Variants in SESN3 observed in about 807,000 individuals in gnomAD.
The protein encoded by SESN3 is sestrin-3.
A neutral mutation model predicts 55.3 loss-of-function variants in SESN3; 21 were observed. The ratio of observed to expected loss-of-function variants is 0.38; its 90% CI spans 0.27 to 0.55. SESN3 has a LOEUF of 0.55. SESN3 is among the 20% of genes least tolerant of loss of function. SESN3 has a pLI of 0.76. For missense variants in SESN3, 408 were observed against 604.3 expected, an observed-to-expected ratio of 0.68 and a Z score of 3.41; for synonymous variants, 181 against 203.1, an observed-to-expected ratio of 0.89 and a Z score of 0.93.
intron 1 of SESN3, among the ~76,000 whole-genome samples, chr11:95,198,274 A>C (rs994578643): frequency 6.6e-6 from 1 of 152,086 alleles, no homozygotes; most frequent in Non-Finnish European, 1.5e-5. Context: ...AAGATACCGC[A>C]TAAAAATGTA....
chr11:95,205,634 C>T (rs1455124303), intron 1 of SESN3, among the ~76,000 whole-genome samples: 1 of 152,078 alleles, frequency 6.6e-6, no homozygotes, highest in East Asian at 1.9e-4. Flanking sequence ...TACTAGCAAT[C>T]CAGGGATTAT....
At chr11:95,186,715 T>C (rs1039012350) in intron 4 of SESN3, among the ~76,000 whole-genome samples, 12 of 151,870 alleles carry the variant, frequency 7.9e-5, no homozygotes, top group African/African-American at 2.9e-4. Flanking sequence ...ATGTACCCCA[T>C]GGATATGTAC....
At chr11:95,198,587 C>G (rs1057007664) in intron 1 of SESN3, among the ~76,000 whole-genome samples, 20 of 152,216 alleles carry the variant, frequency 1.3e-4, no homozygotes, top group African/African-American at 4.3e-4. Context: ...TATACAATGG[C>G]TTTTAAATAA....
rs1482933850 is a variant in SESN3 at position 95,167,980 on chromosome 11, A to C, written c.*5275T>G. On this transcript the variant is annotated 3_prime_UTR_variant, in exon 10 of 10. Coordinates refer to ENST00000536441, the MANE Select transcript of SESN3 (RefSeq NM_144665.4). ...GGAACATTTTTTTTCCTCCCATAAG[A>C]ACAGGATAGGAACAGAGGTTAGAGG... The C allele has an allele frequency of 6.6e-6, 1 of 152,192 alleles. No homozygotes were observed. Among genetic ancestry groups the C allele is most frequent in the Non-Finnish European group, 1.5e-5 (1 of 68,034 alleles). 9.4% of individuals were successfully genotyped at this position (152,192 alleles called of 1,614,324 possible).
chr11:95,229,748 A>T (rs1861016400), intron 1 of SESN3, among the ~76,000 whole-genome samples: 1 of 152,224 alleles, frequency 6.6e-6, no homozygotes, highest in South Asian at 2.1e-4. Context: ...AAACGGTACC[A>T]TATTCATCTC....
At chr11:95,208,818 GA>G (rs994405024) in intron 1 of SESN3, among the ~76,000 whole-genome samples, 36 of 151,620 alleles carry the variant, frequency 2.4e-4, no homozygotes, top group African/African-American at 8.2e-4. Context: ...AAGCAATGAG[GA>G]AAGGATTCCC....
intron 3 of SESN3, 89 bp downstream of exon 3, chr11:95,191,315 A>T (rs1860263709): frequency 3.0e-6 from 3 of 987,208 alleles, no homozygotes; most frequent in Non-Finnish European, 4.9e-6. Flanking sequence ...ACTTAGCTCT[A>T]TACACACACA....
At chr11:95,191,678 AT>A in intron 2 of SESN3, 77 bp from the exon 3 acceptor site, 1 of 1,001,344 alleles carries the variant, frequency 1.0e-6, no homozygotes, top group South Asian at 1.5e-5. Flanking sequence ...TTATGCCACT[AT>A]TGAAGCAAAT....
In SESN3 at chr11:95,178,794, G is replaced by T; in HGVS notation, c.972C>A (p.Val324=). The change falls in exon 7 of 10, where the codon GTC becomes GTA. Residue 324 remains valine (V), a synonymous_variant. Transcript: ENST00000536441. ...FEDDMIITSD[V]SRYIEDPGFG... ...AACCAGGGTCTTCAATATATCGAGA[G>T]ACATCAGATGTTATAATCATGTCAT... 1 of 1,609,366 alleles carries T rather than the reference G, an allele frequency of 6.2e-7. No individual in the cohort carries two copies. Among genetic ancestry groups the T allele is most frequent in the Non-Finnish European group, 8.5e-7 (1 of 1,175,862 alleles).
chr11:95,196,075 A>G (rs1000350296), intron 1 of SESN3, among the ~76,000 whole-genome samples: 1 of 152,198 alleles, frequency 6.6e-6, no homozygotes, highest in African/African-American at 2.4e-5. Context: ...GAGAGATAAA[A>G]TATGGCCCGA....
chr11:95,184,702 T>TATG, intron 5 of SESN3, 108 bp from the exon 6 acceptor site: 5 of 976,172 alleles, frequency 5.1e-6, no homozygotes, highest in Non-Finnish European at 7.5e-6. Flanking sequence ...CAGGCACAGT[T>TATG]ATGAAGTTCT....
At chr11:95,227,472 G>A (rs776153636) in intron 1 of SESN3, among the ~76,000 whole-genome samples, 8 of 151,964 alleles carry the variant, frequency 5.3e-5, no homozygotes, top group Non-Finnish European at 1.0e-4. Context: ...CCAAAGTGCT[G>A]GGATTACAGG....
chr11:95,178,577 G>A, intron 7 of SESN3, 133 bp downstream of exon 7: 1 of 620,988 alleles, frequency 1.6e-6, no homozygotes, highest in Admixed American at 2.7e-5. Flanking sequence ...ATTAGATTAG[G>A]CTGAAACTAG....
intron 9 of SESN3, among the ~76,000 whole-genome samples, chr11:95,173,674 A>T (rs114118168): frequency 9.2e-5 from 14 of 152,094 alleles, no homozygotes; most frequent in Admixed American, 1.3e-4. Flanking sequence ...AAAATTTTAC[A>T]TGGCTAAAAA....
At chr11:95,193,980 T>C (rs569902771) in intron 1 of SESN3, among the ~76,000 whole-genome samples, 18 of 152,198 alleles carry the variant, frequency 1.2e-4, no homozygotes, top group African/African-American at 4.3e-4. Flanking sequence ...GCATATCTAA[T>C]ATGAAGTTTT....
At chr11:95,182,409 G>C (rs1028436522) in intron 6 of SESN3, among the ~76,000 whole-genome samples, 1 of 152,108 alleles carries the variant, frequency 6.6e-6, no homozygotes, top group African/African-American at 2.4e-5. Context: ...GTTATATGCT[G>C]ATAACTTCTA....
intron 6 of SESN3, chr11:95,182,085 A>G: frequency 3.5e-6 from 1 of 287,974 alleles, no homozygotes; most frequent in East Asian, 1.1e-4. Context: ...TTTCTAGTCA[A>G]AATTCACTTT....
At chr11:95,204,383 A>T (rs1224734388) in intron 1 of SESN3, among the ~76,000 whole-genome samples, 1 of 152,186 alleles carries the variant, frequency 6.6e-6, no homozygotes, top group East Asian at 1.9e-4. Context: ...TTATTAATAA[A>T]CCTAAGATTG....
chr11:95,166,985 G>C lies in SESN3; in HGVS notation c.*6270C>G. Reference sequence around the variant, plus strand: ...AGAGAACCAGCGAAATTCAGAAAGCGGAAGTCTCTCAACATTACAAAGGAA... The same window carrying C: ...AGAGAACCAGCGAAATTCAGAAAGCCGAAGTCTCTCAACATTACAAAGGAA... On this transcript the variant is annotated 3_prime_UTR_variant, in exon 10 of 10. Transcript: ENST00000536441. The C allele has an allele frequency of 6.6e-6, 1 of 152,230 alleles. No individual in the cohort carries two copies. The highest frequency in any genetic ancestry group is 6.5e-5 in the Admixed American group (1 of 15,292). The allele number at this position is 152,230 out of a possible 1,614,324, so 9.4% of individuals were successfully genotyped here. A position where few individuals can be genotyped will look rare whatever the true frequency, so the allele number is the denominator to read the frequency against.
Sources: allele counts gnomAD v4.1 joint callset (sites outside exome capture counted in the v4.1 genomes callset), GRCh38; gene constraint gnomAD v4.1.1; transcripts MANE v1.5; gene names NCBI Gene and HGNC (gene_info 2026-07-23, HGNC 2026-07-21).